Variants in SLC25A21 observed in about 807,000 individuals in gnomAD.
SLC25A21 encodes the protein mitochondrial 2-oxodicarboxylate carrier.
Under a neutral mutation model 43.8 loss-of-function variants are expected in SLC25A21, and 47 were observed. That is an observed-to-expected ratio of 1.07 (90% CI 0.85 to 1.37). The LOEUF (loss-of-function observed/expected upper bound fraction) is 1.37. Ranked by LOEUF, SLC25A21 falls within the 40% of genes most tolerant of loss-of-function variation. The pLI, the probability that SLC25A21 is intolerant of heterozygous loss-of-function variation, is 0.00. For missense variants in SLC25A21, 352 were observed against 350.2 expected (o/e 1.00, Z -0.04); for synonymous variants, 131 against 121.3 (o/e 1.08, Z -0.52).
intron 1 of SLC25A21, among the ~76,000 whole-genome samples, chr14:36,923,260 A>T (rs1181900798): frequency 6.6e-6 from 1 of 152,248 alleles, no homozygotes; most frequent in African/African-American, 2.4e-5. Flanking sequence ...GTGACAGCAC[A>T]ATTCTTATCA....
At chr14:36,930,474 C>G (rs908972277) in intron 1 of SLC25A21, among the ~76,000 whole-genome samples, 2 of 152,102 alleles carry the variant, frequency 1.3e-5, no homozygotes, top group Non-Finnish European at 2.9e-5. Context: ...CAGTCTACCC[C>G]TTAACCTCTC....
intron 1 of SLC25A21, among the ~76,000 whole-genome samples, chr14:37,001,609 T>C (rs772916232): frequency 5.3e-5 from 8 of 152,168 alleles, no homozygotes; most frequent in Non-Finnish European, 1.2e-4. Context: ...CTTTCCTTTT[T>C]TTCATTCTTT....
chr14:37,108,122 C>A (rs1166774143), intron 1 of SLC25A21, among the ~76,000 whole-genome samples: 2 of 152,032 alleles, frequency 1.3e-5, no homozygotes, highest in Non-Finnish European at 2.9e-5. Context: ...TTTTTGCCTC[C>A]CAAGATGATA....
chr14:36,762,276 T>C (rs1026647004), intron 3 of SLC25A21, among the ~76,000 whole-genome samples: 1 of 152,358 alleles, frequency 6.6e-6, no homozygotes, highest in South Asian at 2.1e-4. Flanking sequence ...TATTATCTCA[T>C]TGAATTCTCA....
intron 3 of SLC25A21, among the ~76,000 whole-genome samples, chr14:36,786,515 T>C (rs1334374201): frequency 6.6e-6 from 1 of 152,206 alleles, no homozygotes; most frequent in African/African-American, 2.4e-5. Flanking sequence ...TGCTGCTAAA[T>C]GAATTCCAGA....
intron 3 of SLC25A21, among the ~76,000 whole-genome samples, chr14:36,736,314 G>A (rs1343086799): frequency 3.9e-5 from 6 of 152,240 alleles, no homozygotes; most frequent in African/African-American, 1.4e-4. Flanking sequence ...GGAGAGCTAT[G>A]GCAATTCATG....
chr14:37,171,035 G>A (rs1197613357), intron 1 of SLC25A21, among the ~76,000 whole-genome samples: 4 of 149,870 alleles, frequency 2.7e-5, no homozygotes, highest in Non-Finnish European at 5.9e-5. Context: ...GCAGCGAGCC[G>A]AGATCGCGCC....
chr14:37,160,079 G>A (rs909660695), intron 1 of SLC25A21, among the ~76,000 whole-genome samples: 1 of 152,012 alleles, frequency 6.6e-6, no homozygotes, highest in Non-Finnish European at 1.5e-5. Context: ...TGTTGTTGAG[G>A]GTGCAGAGCA....
intron 1 of SLC25A21, among the ~76,000 whole-genome samples, chr14:37,135,912 A>G (rs1963472578): frequency 6.6e-6 from 1 of 152,200 alleles, no homozygotes; most frequent in South Asian, 2.1e-4. Flanking sequence ...CTTTGCACAT[A>G]GTAAGTGCTC....
At chr14:37,032,414 T>C (rs1376920699) in intron 1 of SLC25A21, among the ~76,000 whole-genome samples, 5 of 152,060 alleles carry the variant, frequency 3.3e-5, no homozygotes, top group African/African-American at 7.2e-5. Context: ...CGTGTGCCTG[T>C]AGTCCCAGCT....
At chr14:36,903,558 A>C (rs990988414) in intron 1 of SLC25A21, among the ~76,000 whole-genome samples, 2 of 129,480 alleles carry the variant, frequency 1.5e-5, no homozygotes, top group African/African-American at 5.7e-5. Context: ...GGTTGCAGTG[A>C]GCCAAGATTG....
intron 1 of SLC25A21, among the ~76,000 whole-genome samples, chr14:36,967,857 T>C (rs59035643): frequency 0.11 from 16,290 of 152,160 alleles, 2,404 homozygotes; most frequent in African/African-American, 0.33. Context: ...TGTCTGTGTG[T>C]GTGCGTGTGG....
chr14:37,091,051 A>C (rs1050633831), intron 1 of SLC25A21, among the ~76,000 whole-genome samples: 3 of 152,166 alleles, frequency 2.0e-5, no homozygotes, highest in African/African-American at 7.2e-5. Context: ...ATTAACATAG[A>C]ACTCACAACC....
intron 7 of SLC25A21, among the ~76,000 whole-genome samples, chr14:36,710,487 G>C (rs957093912): frequency 3.9e-5 from 6 of 152,156 alleles, no homozygotes; most frequent in African/African-American, 1.4e-4. Context: ...CTGGAGTGCA[G>C]TGGCGCAATC....
intron 3 of SLC25A21, among the ~76,000 whole-genome samples, chr14:36,798,977 A>C (rs1379935547): frequency 6.6e-6 from 1 of 152,106 alleles, no homozygotes; most frequent in Non-Finnish European, 1.5e-5. Flanking sequence ...GATATGAGGG[A>C]CTTAGAAATG....
intron 1 of SLC25A21, among the ~76,000 whole-genome samples, chr14:37,008,701 T>G (rs1285228246): frequency 6.6e-6 from 1 of 152,170 alleles, no homozygotes; most frequent in Non-Finnish European, 1.5e-5. Flanking sequence ...GAGATAATGT[T>G]AGTGAGGAAG....
chr14:36,842,128 A>T (rs1889403588), intron 2 of SLC25A21, among the ~76,000 whole-genome samples: 1 of 152,202 alleles, frequency 6.6e-6, no homozygotes, highest in Non-Finnish European at 1.5e-5. Context: ...GTATTCCCCC[A>T]GCCCAGCATC....
chr14:36,722,726 G>C (rs1489303604), intron 6 of SLC25A21, among the ~76,000 whole-genome samples: 1 of 152,090 alleles, frequency 6.6e-6, no homozygotes, highest in Non-Finnish European at 1.5e-5. Flanking sequence ...AGATAGCACT[G>C]CTCTAGAGTC....
intron 5 of SLC25A21, among the ~76,000 whole-genome samples, chr14:36,726,655 C>T (rs1373486041): frequency 2.6e-5 from 4 of 152,026 alleles, no homozygotes; most frequent in Non-Finnish European, 4.4e-5. Flanking sequence ...GTGTGTTTTC[C>T]AGAAAATCTG....
Sources: allele counts gnomAD v4.1 joint callset (sites outside exome capture counted in the v4.1 genomes callset), GRCh38; gene constraint gnomAD v4.1.1; transcripts MANE v1.5; gene names NCBI Gene and HGNC (gene_info 2026-07-23, HGNC 2026-07-21).